ALPK2: variants seen among roughly 807,000 people sequenced by gnomAD.
ALPK2 encodes the protein alpha-protein kinase 2.
Under a neutral mutation model 163.1 loss-of-function variants are expected in ALPK2, and 127 were observed. The ratio of observed to expected loss-of-function variants is 0.78; its 90% confidence interval spans 0.67 to 0.90. The LOEUF is 0.90. ALPK2 is among the 40% of genes least tolerant of loss of function. The pLI, the probability that ALPK2 is intolerant of heterozygous loss-of-function variation, is 0.00. For synonymous variants in ALPK2, 953 were observed against 959.1 expected (o/e 0.99, Z 0.12); for missense variants, 2,360 against 2,589.6 (o/e 0.91, Z 1.92).
chr18:58,542,936 A>G (rs1466598484), intron 4 of ALPK2, among the ~76,000 whole-genome samples: 1 of 152,194 alleles, frequency 6.6e-6, no homozygotes, highest in Non-Finnish European at 1.5e-5. Context: ...CAAAACTCAT[A>G]TTGAAACTTA....
chr18:58,607,599 C>T (rs933717068), intron 2 of ALPK2, among the ~76,000 whole-genome samples, 160 bp from the exon 3 acceptor site: 4 of 151,894 alleles, frequency 2.6e-5, no homozygotes, highest in Non-Finnish European at 5.9e-5. Flanking sequence ...CTTGTTGATA[C>T]AAATAAACAC....
chr18:58,539,893 T>G (rs1277723111), intron 4 of ALPK2, among the ~76,000 whole-genome samples: 3 of 152,262 alleles, frequency 2.0e-5, no homozygotes, highest in South Asian at 2.1e-4. Flanking sequence ...CTGTCAGTCA[T>G]GCATCTCTCA....
intron 4 of ALPK2, among the ~76,000 whole-genome samples, chr18:58,573,613 CTTTTTT>C (rs778622176): frequency 1.2e-4 from 6 of 51,742 alleles, no homozygotes; most frequent in African/African-American, 3.1e-4. Flanking sequence ...TTTTTGTCTT[CTTTTTT>C]TTTTTTTTTT....
intron 6 of ALPK2, among the ~76,000 whole-genome samples, chr18:58,527,063 A>C (rs1267599730): frequency 1.3e-5 from 2 of 152,172 alleles, no homozygotes; most frequent in African/African-American, 4.8e-5. Flanking sequence ...GGACTATCTA[A>C]ATCTTCATTC....
chr18:58,542,731 C>G (rs949747199), intron 4 of ALPK2, among the ~76,000 whole-genome samples: 6 of 152,168 alleles, frequency 3.9e-5, no homozygotes, highest in Non-Finnish European at 7.3e-5. Context: ...CAGACCAGAG[C>G]TGGCCTGGAA....
intron 12 of ALPK2, among the ~76,000 whole-genome samples, chr18:58,494,319 C>T (rs1053449612): frequency 2.0e-5 from 3 of 152,100 alleles, no homozygotes; most frequent in Non-Finnish European, 2.9e-5. Flanking sequence ...GGATGTGTTT[C>T]CAGACATAAT....
intron 8 of ALPK2, among the ~76,000 whole-genome samples, chr18:58,517,750 T>C (rs897641669): frequency 2.0e-5 from 3 of 152,186 alleles, no homozygotes; most frequent in African/African-American, 7.2e-5. Context: ...GAACCAATGT[T>C]GGTCCTCTTG....
At chr18:58,512,227 C>T (rs1463729989) in intron 10 of ALPK2, 2 of 152,186 alleles carry the variant, frequency 1.3e-5, no homozygotes, top group Non-Finnish European at 2.9e-5. Flanking sequence ...AATTCTGCAT[C>T]CCTGGTGGGG....
At chr18:58,605,588 C>T (rs1446715156) in intron 3 of ALPK2, among the ~76,000 whole-genome samples, 2 of 152,160 alleles carry the variant, frequency 1.3e-5, no homozygotes, top group Non-Finnish European at 2.9e-5. Context: ...AAAAGGGAGG[C>T]CTGTGCAACA....
intron 4 of ALPK2, among the ~76,000 whole-genome samples, chr18:58,552,997 A>G (rs1267587770): frequency 6.6e-6 from 1 of 152,144 alleles, no homozygotes; most frequent in Non-Finnish European, 1.5e-5. Flanking sequence ...ATGGGAAGAG[A>G]AAAATTTGAA....
At chr18:58,499,275 G>A (rs2051419205) in intron 11 of ALPK2, among the ~76,000 whole-genome samples, 1 of 151,938 alleles carries the variant, frequency 6.6e-6, no homozygotes, top group Non-Finnish European at 1.5e-5. Context: ...TTTTTTGCAT[G>A]TGCCTTTCCA....
intron 4 of ALPK2, among the ~76,000 whole-genome samples, chr18:58,576,844 C>T (rs764337080): frequency 6.6e-6 from 1 of 152,236 alleles, no homozygotes; most frequent in Non-Finnish European, 1.5e-5. Flanking sequence ...CTTCCATTCA[C>T]ATTTCTGGTT....
chr18:58,578,762 A>ACACACACACACG, intron 4 of ALPK2, 52 bp downstream of exon 4: 1 of 1,544,020 alleles, frequency 6.5e-7, no homozygotes, highest in Non-Finnish European at 8.8e-7. Flanking sequence ...ACACACACAC[A>ACACACACACACG]CACACACACG....
At chr18:58,550,501 C>T (rs2051748766) in intron 4 of ALPK2, among the ~76,000 whole-genome samples, 1 of 151,912 alleles carries the variant, frequency 6.6e-6, no homozygotes, top group Admixed American at 6.6e-5. Flanking sequence ...CCATCTATAT[C>T]ATATACAACC....
At chr18:58,578,733 G>GACACACACACGCGCGTGCGCGC (rs777103869) in intron 4 of ALPK2, 81 bp downstream of exon 4, 24 of 533,296 alleles carry the variant, frequency 4.5e-5, no homozygotes, top group African/African-American at 3.1e-4. Flanking sequence ...TAAAGGAAGA[G>GACACACACACGCGCGTGCGCGC]ACACACACAC....
At chr18:58,594,481 C>T (rs911191667) in intron 3 of ALPK2, among the ~76,000 whole-genome samples, 17 of 152,146 alleles carry the variant, frequency 1.1e-4, no homozygotes, top group African/African-American at 3.9e-4. Flanking sequence ...TAAGTTTAAA[C>T]TGTAAATCTA....
intron 1 of ALPK2, 81 bp from the exon 2 acceptor site, chr18:58,611,898 G>A (rs2052134131): frequency 1.1e-6 from 1 of 895,390 alleles, no homozygotes; most frequent in Non-Finnish European, 1.7e-6. Flanking sequence ...AAACCACAGG[G>A]TGCCGCCCTG....
Position 58,529,096 on chromosome 18 carries a change from C to G in ALPK2, c.5496G>C (p.Gln1832His). 1 of 1,614,122 alleles carries G rather than the reference C, an allele frequency of 6.2e-7. No individual in the cohort carries two copies. Among genetic ancestry groups the G allele is most frequent in the Non-Finnish European group, 8.5e-7 (1 of 1,179,984 alleles). Residue 1832 changes from glutamine (Q) to histidine (H), a missense_variant, in exon 6 of 13, where the codon CAG (glutamine) becomes CAC (histidine). Gln to His is a conservative substitution (Grantham distance 24, BLOSUM62 0). Coordinates refer to ENST00000361673, the MANE Select transcript of ALPK2 (RefSeq NM_052947.4). ...TKDSKSIAQV[Q>H]RSAGDNSTVS... ...ACCAGGGAAAAACATCGCACCTTCT[C>G]TGCACTTGGGCTATGGACTTTGAAT...
At chr18:58,614,225 G>A (rs1051400460) in intron 1 of ALPK2, among the ~76,000 whole-genome samples, 2 of 152,194 alleles carry the variant, frequency 1.3e-5, no homozygotes, top group Non-Finnish European at 2.9e-5. Context: ...CACATGAGAT[G>A]GGAGAGAGGT....
Sources: allele counts gnomAD v4.1 joint callset (sites outside exome capture counted in the v4.1 genomes callset), GRCh38; gene constraint gnomAD v4.1.1; transcripts MANE v1.5; gene names NCBI Gene and HGNC (gene_info 2026-07-23, HGNC 2026-07-21).